TG: variants seen among roughly 807,000 people sequenced by gnomAD.
TG encodes thyroid hormones.
In TG, 270 loss-of-function variants were observed where a neutral mutation model predicts 324.7. That is an observed-to-expected ratio of 0.83 (90% confidence interval 0.75 to 0.92). The LOEUF (loss-of-function observed/expected upper bound fraction) is 0.92, where lower values mean the gene tolerates loss of function less well. Among genes scored for constraint, TG ranks in the 40% least tolerant of loss-of-function variants. TG has a pLI of 0.00. For missense variants in TG, 3,591 were observed against 3,456.4 expected (o/e 1.04, Z -0.98); for synonymous variants, 1,401 against 1,327.0 (o/e 1.06, Z -1.21).
At chr8:133,009,480 A>G (rs2130875259) in intron 35 of TG, among the ~76,000 whole-genome samples, 1 of 151,952 alleles carries the variant, frequency 6.6e-6, no homozygotes, top group African/African-American at 2.4e-5. Flanking sequence ...GTGAAACATT[A>G]TGTTATTTGG....
intron 45 of TG, among the ~76,000 whole-genome samples, chr8:133,128,764 AT>A (rs1220442317): frequency 6.6e-6 from 1 of 152,198 alleles, no homozygotes; most frequent in Non-Finnish European, 1.5e-5. Context: ...CTGCAATGTG[AT>A]TACCAAAAAC....
chr8:133,015,691 G>C (rs144397286), intron 37 of TG, among the ~76,000 whole-genome samples: 176 of 152,300 alleles, frequency 1.2e-3, no homozygotes, highest in African/African-American at 4.1e-3. Context: ...AGCAGAATGA[G>C]GTTCCAGCAC....
intron 5 of TG, among the ~76,000 whole-genome samples, chr8:132,881,263 C>G (rs972874626): frequency 6.6e-6 from 1 of 152,166 alleles, no homozygotes; most frequent in Non-Finnish European, 1.5e-5. Context: ...TAGAGAATCT[C>G]TTTCTTCAGT....
At chr8:132,958,320 A>C (rs6989555) in intron 27 of TG, among the ~76,000 whole-genome samples, 101 of 152,106 alleles carry the variant, frequency 6.6e-4, no homozygotes, top group Non-Finnish European at 1.3e-3. Flanking sequence ...AGCTCTCTCT[A>C]TATGTATCTA....
intron 41 of TG, chr8:133,064,315 C>T (rs984946415): frequency 6.6e-6 from 1 of 152,202 alleles, no homozygotes; most frequent in Non-Finnish European, 1.5e-5. Flanking sequence ...AAATGAAGTC[C>T]TATTAGACAG....
intron 5 of TG, among the ~76,000 whole-genome samples, 158 bp downstream of exon 5, chr8:132,873,379 G>A (rs929692094): frequency 1.3e-5 from 2 of 152,180 alleles, no homozygotes; most frequent in Admixed American, 1.3e-4. Flanking sequence ...AAGTGCCACG[G>A]CGTTTTTTAA....
intron 10 of TG, 118 bp from the exon 11 acceptor site, chr8:132,893,569 TGTG>T (rs1158372898): frequency 1.1e-4 from 123 of 1,148,000 alleles, no homozygotes; most frequent in Non-Finnish European, 8.2e-5. Flanking sequence ...ATGTGTGTGG[TGTG>T]TGTGTGTGGT....
At chr8:133,019,523 G>A in intron 38 of TG, 79 bp from the exon 39 acceptor site, 2 of 1,244,992 alleles carry the variant, frequency 1.6e-6, no homozygotes, top group Non-Finnish European at 2.4e-6. Context: ...GAATGGGGTA[G>A]TGGGCTCTGA....
chr8:133,087,505 GC>G (rs1846783167), intron 41 of TG, among the ~76,000 whole-genome samples: 1 of 152,110 alleles, frequency 6.6e-6, no homozygotes, highest in Non-Finnish European at 1.5e-5. Context: ...AATGGACTTG[GC>G]CATGTCACTT....
chr8:132,966,759 A>C, intron 30 of TG, 62 bp downstream of exon 30: 1 of 1,609,996 alleles, frequency 6.2e-7, no homozygotes, highest in Non-Finnish European at 8.5e-7. Flanking sequence ...TCACAGGCCA[A>C]GTCTGGCAAC....
intron 22 of TG, 149 bp downstream of exon 22, chr8:132,923,657 G>T: frequency 1.1e-6 from 1 of 913,714 alleles, no homozygotes; most frequent in Non-Finnish European, 1.6e-6. Context: ...TGGAAGAACC[G>T]CAAAATGAAC....
intron 25 of TG, among the ~76,000 whole-genome samples, chr8:132,936,445 C>T (rs570694187): frequency 7.4e-4 from 112 of 152,326 alleles, no homozygotes; most frequent in African/African-American, 2.5e-3. Context: ...GGTGTCAGGC[C>T]GAGATCTAGC....
intron 21 of TG, 21 bp from the exon 22 acceptor site, chr8:132,923,317 A>T: frequency 6.2e-7 from 1 of 1,612,946 alleles, no homozygotes; most frequent in Non-Finnish European, 8.5e-7. Context: ...ATTGACGGCT[A>T]TGTCAATCTA....
chr8:133,103,507 C>G (rs376705083), intron 43 of TG, among the ~76,000 whole-genome samples: 1 of 152,056 alleles, frequency 6.6e-6, no homozygotes, highest in East Asian at 1.9e-4. Flanking sequence ...CTTGTCCCCC[C>G]CAAAATATTA....
chr8:133,035,599 A>G (rs1308602436), intron 41 of TG, among the ~76,000 whole-genome samples: 1 of 152,236 alleles, frequency 6.6e-6, no homozygotes, highest in Non-Finnish European at 1.5e-5. Flanking sequence ...GTTGCTTAAT[A>G]TATTCTGAAA....
chr8:133,022,529 C>T (rs1384554544), intron 40 of TG, among the ~76,000 whole-genome samples: 1 of 152,160 alleles, frequency 6.6e-6, no homozygotes, highest in Non-Finnish European at 1.5e-5. Context: ...TGAACAACCC[C>T]AGGGGATGAG....
chr8:133,029,821 G>T lies in TG; in HGVS notation c.7037G>T (p.Gly2346Val), dbSNP rs1253243061. The change falls in exon 41 of 48, where the codon GGG becomes GTG. Residue 2346 changes from glycine to valine, a missense_variant and splice_region_variant. Transcript: ENST00000220616. ...TAAAAGGCTTTCCTCTTTTCTGAAGGGTCCGGAGAGGTGAGTGGCAACTGG... is the reference window on the plus strand; with the variant it reads ...TAAAAGGCTTTCCTCTTTTCTGAAGTGTCCGGAGAGGTGAGTGGCAACTGG... ...RVGVFGFLSS[G>V]SGEVSGNWGL... The T allele has an allele frequency of 3.1e-6, 5 of 1,614,086 alleles. No individual in the cohort carries two copies. Among genetic ancestry groups the T allele is most frequent in the Non-Finnish European group, 8.5e-7 (1 of 1,179,926 alleles).
chr8:132,897,013 C>G (rs989543601), intron 11 of TG, among the ~76,000 whole-genome samples: 1 of 152,290 alleles, frequency 6.6e-6, no homozygotes, highest in South Asian at 2.1e-4. Flanking sequence ...GGTAAAAGTT[C>G]TGGCTTCATG....
intron 35 of TG, among the ~76,000 whole-genome samples, chr8:133,001,197 G>A (rs1392472943): frequency 6.6e-6 from 1 of 150,824 alleles, no homozygotes; most frequent in East Asian, 1.9e-4. Context: ...GAGGACCTAC[G>A]GGTTAGGACT....
Sources: gnomAD v4.1 joint callset for allele counts (sites outside exome capture counted in the v4.1 genomes callset) on GRCh38, gnomAD v4.1.1 for gene constraint, MANE v1.5 for transcripts, NCBI Gene and HGNC (gene_info 2026-07-23, HGNC 2026-07-21) for gene names.